BMP5: variants seen among roughly 807,000 people sequenced by gnomAD.
The protein encoded by BMP5 is bone morphogenetic protein 5.
In BMP5, 23 loss-of-function variants were observed where a neutral mutation model predicts 46.6. That is an observed-to-expected ratio of 0.49 (90% CI 0.35 to 0.70). The LOEUF is 0.70. Ranked by LOEUF, BMP5 falls within the 30% of genes least tolerant of loss-of-function variation. The probability of loss-of-function intolerance (pLI) is 0.00; values close to 1 mark genes in which losing one functional copy is unlikely to be tolerated. For missense variants in BMP5, 545 were observed against 565.6 expected (o/e 0.96, Z 0.37); for synonymous variants, 204 against 191.9 (o/e 1.06, Z -0.52).
rs1198473790 is a variant in BMP5 at position 55,774,105 on chromosome 6, T to G, written c.971A>C (p.Gln324Pro). 1.2e-6 allele frequency: 2 copies of G among 1,613,100 alleles called. No individual in the cohort carries two copies. Among genetic ancestry groups the G allele is most frequent in the Non-Finnish European group, 8.5e-7 (1 of 1,179,444 alleles). Residue 324 changes from glutamine (Q) to proline (P), a missense_variant, in exon 4 of 7, where the codon CAA (glutamine) becomes CCA (proline). Gln to Pro is a moderately conservative substitution (Grantham distance 76). Transcript: ENST00000370830. ...SVRAANKRKNQNRNKSSSHQD... is the reference protein window; with the variant it reads ...SVRAANKRKNPNRNKSSSHQD... ...ATGAGAGCTGGATTTATTGCGGTTTTGATTTTTTCGTTTGTTGGCTGCTCT... is the reference window on the plus strand; with the variant it reads ...ATGAGAGCTGGATTTATTGCGGTTTGGATTTTTTCGTTTGTTGGCTGCTCT...
intron 1 of BMP5, among the ~76,000 whole-genome samples, 153 bp downstream of exon 1, chr6:55,874,223 G>A (rs946532963): frequency 5.9e-5 from 9 of 151,786 alleles, no homozygotes; most frequent in Admixed American, 4.6e-4. Flanking sequence ...TTTTGCCTAA[G>A]GCATCAATGA....
At chr6:55,772,962 A>G (rs1355789748) in intron 4 of BMP5, 12 of 972,664 alleles carry the variant, frequency 1.2e-5, no homozygotes, top group African/African-American at 1.8e-5. Context: ...TTCTTATCTA[A>G]ACACTCATGC....
intron 1 of BMP5, among the ~76,000 whole-genome samples, chr6:55,821,473 C>T (rs1365102518): frequency 6.6e-6 from 1 of 152,108 alleles, no homozygotes; most frequent in African/African-American, 2.4e-5. Context: ...AGGTGTTCCC[C>T]ACTGCACCCA....
Position 55,818,201 on chromosome 6 carries a change from T to A in BMP5, c.683+1454A>T, listed in dbSNP as rs539129643. Among the ~76,000 whole-genome samples, 4 of 152,102 alleles carry A rather than the reference T, an allele frequency of 2.6e-5. No homozygotes were observed. In the South Asian group the frequency reaches 8.3e-4, roughly 32 times the overall value. Reference sequence around the variant, plus strand: ...ACATGGGATGACTTTAGATGACATGTATACAGGGTGGATTCTAAACCAGAG... The same window carrying A: ...ACATGGGATGACTTTAGATGACATGAATACAGGGTGGATTCTAAACCAGAG... On this transcript the variant is annotated intron_variant, in intron 2 of 6. Transcript: ENST00000370830.
At chr6:55,803,438 C>T (rs1210841218) in intron 2 of BMP5, among the ~76,000 whole-genome samples, 1 of 152,052 alleles carries the variant, frequency 6.6e-6, no homozygotes, top group Non-Finnish European at 1.5e-5. Flanking sequence ...TGACAAATTC[C>T]AGAATTCCCT....
rs78198226 is a variant in BMP5 at position 55,781,182 on chromosome 6, G to A, written c.833-6939C>T. Among the ~76,000 whole-genome samples, 1,430 of 152,068 alleles carry A rather than the reference G, an allele frequency of 9.4e-3. 25 individuals carry two copies. The highest frequency in any genetic ancestry group is 0.033 in the African/African-American group (1,371 of 41,484). ...GCCCCAAAAAGATTGGTTAGCAGTT[G>A]GTCTTATAGCCCTCATTTATTTTAA... On this transcript the variant is annotated intron_variant, in intron 3 of 6. Coordinates refer to ENST00000370830, the MANE Select transcript of BMP5 (RefSeq NM_021073.4).
chr6:55,824,045 T>C (rs1343888498), intron 1 of BMP5, among the ~76,000 whole-genome samples: 1 of 151,938 alleles, frequency 6.6e-6, no homozygotes, highest in Non-Finnish European at 1.5e-5. Flanking sequence ...ACCCAACCTT[T>C]TATTTACCAG....
chr6:55,795,934 AC>A (rs1277487928), intron 2 of BMP5, among the ~76,000 whole-genome samples: 1 of 152,130 alleles, frequency 6.6e-6, no homozygotes, highest in Non-Finnish European at 1.5e-5. Context: ...AATTTGTAGA[AC>A]CCTTTATAGT....
intron 1 of BMP5, 60 bp from the exon 2 acceptor site, chr6:55,819,907 T>A: frequency 7.3e-7 from 1 of 1,364,662 alleles, no homozygotes; most frequent in Non-Finnish European, 1.0e-6. Context: ...ATATGGAAAT[T>A]AATGATAAAT....
At chr6:55,771,249 C>T (rs568556329) in intron 4 of BMP5, among the ~76,000 whole-genome samples, 1 of 151,980 alleles carries the variant, frequency 6.6e-6, no homozygotes, top group African/African-American at 2.4e-5. Context: ...AAAATCTTAT[C>T]CACCTAGTGC....
At chr6:55,833,263 A>G in intron 1 of BMP5, among the ~76,000 whole-genome samples, 1 of 152,196 alleles carries the variant, frequency 6.6e-6, no homozygotes, top group South Asian at 2.1e-4. Context: ...AACTAAGTAC[A>G]ACAAAAATTG....
At chr6:55,772,455 C>T (rs1775071015) in intron 4 of BMP5, among the ~76,000 whole-genome samples, 1 of 151,840 alleles carries the variant, frequency 6.6e-6, no homozygotes, top group South Asian at 2.1e-4. Context: ...CAAGGTTTAG[C>T]AAAACTTTTT....
intron 1 of BMP5, among the ~76,000 whole-genome samples, chr6:55,870,301 T>C (rs938531078): frequency 6.6e-6 from 1 of 152,052 alleles, no homozygotes; most frequent in African/African-American, 2.4e-5. Flanking sequence ...CAACCATCTT[T>C]AAAGGAGAAA....
intron 1 of BMP5, among the ~76,000 whole-genome samples, chr6:55,837,204 A>G (rs780422293): frequency 3.9e-5 from 6 of 152,078 alleles, no homozygotes; most frequent in Non-Finnish European, 8.8e-5. Context: ...GGTGTGGGCG[A>G]CCACAGAGCA....
At chr6:55,810,238 C>A (rs1228422244) in intron 2 of BMP5, among the ~76,000 whole-genome samples, 1 of 151,968 alleles carries the variant, frequency 6.6e-6, no homozygotes, top group South Asian at 2.1e-4. Flanking sequence ...TCTTACTAAC[C>A]ATTAATTTTC....
In BMP5 at chr6:55,755,613, C is replaced by A; in HGVS notation, c.1285G>T (p.Val429Phe). 1 of 1,612,264 alleles carries A rather than the reference C, an allele frequency of 6.2e-7. No homozygotes were observed. The highest frequency in any genetic ancestry group is 8.5e-7 in the Non-Finnish European group (1 of 1,178,820). ...CAPTKLNAISVLYFDDSSNVI... is the reference protein window; with the variant it reads ...CAPTKLNAISFLYFDDSSNVI... ...TTGGAGCTGTCATCAAAGTACAGAA[C>A]AGAGATGGCATTTAATTTGGTTGGA... The change falls in exon 7 of 7, where the codon GTT becomes TTT. Residue 429 changes from valine (V) to phenylalanine (F), a missense_variant. Transcript: ENST00000370830.
chr6:55,803,755 T>A (rs1428371910), intron 2 of BMP5, among the ~76,000 whole-genome samples: 1 of 152,168 alleles, frequency 6.6e-6, no homozygotes, highest in Non-Finnish European at 1.5e-5. Flanking sequence ...GTGGAATTCA[T>A]GGTGAAGCAT....
At chr6:55,835,606 T>G (rs1162405912) in intron 1 of BMP5, among the ~76,000 whole-genome samples, 18 of 152,214 alleles carry the variant, frequency 1.2e-4, no homozygotes, top group Non-Finnish European at 8.8e-5. Context: ...TTGTGTTTAA[T>G]GCTAAGCTAT....
In BMP5 at chr6:55,814,363, A is replaced by C. The variant is rs527441074; in HGVS notation, c.683+5292T>G. ...GAAGTTATATGAAAATATATTGATG[A>C]ATGTATTTATTATCAACTATGATCT... On this transcript the variant is annotated intron_variant, in intron 2 of 6. Transcript: ENST00000370830. Among the ~76,000 whole-genome samples, 5 of 152,282 alleles carry C rather than the reference A, an allele frequency of 3.3e-5. No homozygotes were observed. In the South Asian group the frequency reaches 6.2e-4, roughly 19 times the overall value.
Sources: allele counts gnomAD v4.1 joint callset (sites outside exome capture counted in the v4.1 genomes callset), GRCh38; gene constraint gnomAD v4.1.1; transcripts MANE v1.5; gene names NCBI Gene and HGNC (gene_info 2026-07-23, HGNC 2026-07-21).